Variants in MDN1 observed in about 807,000 individuals in gnomAD.
MDN1 encodes the protein midasin.
In MDN1, 266 loss-of-function variants were observed where a neutral mutation model predicts 669.2. That is an observed-to-expected ratio of 0.40 (90% CI 0.36 to 0.44). MDN1 has a LOEUF of 0.44. Among genes scored for constraint, MDN1 ranks in the 20% least tolerant of loss-of-function variants. MDN1 has a pLI of 1.00. For synonymous variants in MDN1, 2,385 were observed against 2,457.1 expected, an observed-to-expected ratio of 0.97 and a Z score of 0.87; for missense variants, 5,940 against 6,754.0, an observed-to-expected ratio of 0.88 and a Z score of 4.22.
chr6:89,771,539 A>C, intron 15 of MDN1, 22 bp downstream of exon 15: 5 of 1,599,652 alleles, frequency 3.1e-6, no homozygotes, highest in Non-Finnish European at 3.4e-6. Context: ...AAAATAAGAA[A>C]AAAATTTTAA....
intron 1 of MDN1, among the ~76,000 whole-genome samples, chr6:89,814,160 T>C (rs1470579344): frequency 6.6e-6 from 1 of 152,064 alleles, no homozygotes; most frequent in East Asian, 1.9e-4. Flanking sequence ...TCAAGTGCAT[T>C]CTAAAGTAAA....
chr6:89,757,142 T>C (rs1040001525), intron 19 of MDN1, among the ~76,000 whole-genome samples: 1 of 152,168 alleles, frequency 6.6e-6, no homozygotes. Context: ...CTAATAAAGT[T>C]ACTATTTTAA....
At position 89,750,411 on chromosome 6, in the gene MDN1, G is replaced by T; in HGVS notation, c.3349C>A (p.Gln1117Lys). Residue 1117 changes from glutamine to lysine, a missense_variant, in exon 24 of 102, where the codon CAG becomes AAG. Physicochemically the swap from Gln to Lys is moderately conservative, Grantham distance 53. This residue lies in a region of MDN1 where 2,292 missense variants were observed against 2,638.3 expected (regional missense o/e 0.87). Coordinates refer to ENST00000369393, the MANE Select transcript of MDN1 (RefSeq NM_014611.3). ...RINNHEHTDI[Q>K]EYIGCYTSDS... ...GACGTGTAACAACCAATGTACTCCT[G>T]AATATCCGTGTGTTCGTGATTATTA... is the stretch of plus-strand genomic sequence containing the variant. 6.2e-7 allele frequency: 1 copy of T among 1,614,030 alleles called. No individual in the cohort carries two copies. The highest frequency in any genetic ancestry group is 8.5e-7 in the Non-Finnish European group (1 of 1,179,902).
rs1317048559 is a variant in MDN1 at position 89,657,980 on chromosome 6, G to A, written c.15183+229C>T. ...CACGCTATGGTGTTCGCACAATGACGAAATTGCTGAATGAGGCATTTTTCA... is the reference window on the plus strand; with the variant it reads ...CACGCTATGGTGTTCGCACAATGACAAAATTGCTGAATGAGGCATTTTTCA... On this transcript the variant is annotated intron_variant, in intron 90 of 101. Transcript: ENST00000369393. Among the ~76,000 whole-genome samples, 6 of 152,308 alleles carry A rather than the reference G, an allele frequency of 3.9e-5. No homozygotes were observed. The East Asian group carries it at 5.8e-4, about 15-fold the overall frequency.
chr6:89,812,797 C>T (rs1182966187), intron 1 of MDN1, among the ~76,000 whole-genome samples: 1 of 152,124 alleles, frequency 6.6e-6, no homozygotes, highest in Non-Finnish European at 1.5e-5. Context: ...CTAAACTACT[C>T]TATAAAACCT....
chr6:89,804,812 A>G (rs1429082850), intron 1 of MDN1, among the ~76,000 whole-genome samples: 1 of 151,992 alleles, frequency 6.6e-6, no homozygotes, highest in Non-Finnish European at 1.5e-5. Flanking sequence ...CAGGCGGATC[A>G]CGAGGTCAGG....
intron 22 of MDN1, among the ~76,000 whole-genome samples, chr6:89,752,587 C>T (rs968395040): frequency 2.0e-5 from 3 of 152,054 alleles, no homozygotes; most frequent in Non-Finnish European, 4.4e-5. Flanking sequence ...AATTTCCTGC[C>T]AAATCCAAAA....
Position 89,688,061 on chromosome 6 carries a change from G to C in MDN1, c.11355+17C>G. 2 of 1,597,386 alleles carry C rather than the reference G, an allele frequency of 1.3e-6. No individual in the cohort carries two copies. Among genetic ancestry groups the C allele is most frequent in the Non-Finnish European group, 1.7e-6 (2 of 1,164,888 alleles). ...ACTGACCACCAACTAAAATGAGGAAGAGAGGTATTAGCTCACCTGTGCCTT... is the reference window on the plus strand; with the variant it reads ...ACTGACCACCAACTAAAATGAGGAACAGAGGTATTAGCTCACCTGTGCCTT... On this transcript the variant is annotated intron_variant, in intron 67 of 101. Transcript: ENST00000369393.
chr6:89,784,954 A>T, intron 9 of MDN1, 58 bp downstream of exon 9: 1 of 1,140,468 alleles, frequency 8.8e-7, no homozygotes, highest in Non-Finnish European at 1.3e-6. Context: ...ACTATTTCCT[A>T]TTTCACGCGG....
intron 40 of MDN1, 109 bp downstream of exon 40, chr6:89,722,846 C>T: frequency 2.9e-6 from 2 of 690,430 alleles, no homozygotes; most frequent in Non-Finnish European, 4.2e-6. Context: ...AACCCAGTCT[C>T]AAAAAAAAAA....
intron 99 of MDN1, 118 bp downstream of exon 99, chr6:89,647,914 T>C (rs571908090): frequency 3.4e-5 from 26 of 766,278 alleles, no homozygotes; most frequent in African/African-American, 1.2e-4. Flanking sequence ...GATGGCGCCA[T>C]TGTACTCTAG....
chr6:89,701,602 T>C lies in MDN1; in HGVS notation c.8383A>G (p.Ile2795Val), dbSNP rs570877177. 1.9e-6 allele frequency: 3 copies of C among 1,614,178 alleles called. No individual in the cohort carries two copies. The East Asian group carries it at 6.7e-5, about 36-fold the overall frequency. The change falls in exon 55 of 102, where the codon ATA (isoleucine) becomes GTA (valine). Residue 2795 changes from isoleucine (I) to valine (V), a missense_variant. Ile to Val is a conservative substitution (Grantham distance 29). Transcript: ENST00000369393. ...LGSQTGGFAG[I>V]KKLQKFLGRP... is the part of the protein sequence containing the mutation. ...CCCAGGAACTTCTGCAACTTCTTTATACCAGCGAAGCCACCAGTCTGGCTC... is the reference window on the plus strand; with the variant it reads ...CCCAGGAACTTCTGCAACTTCTTTACACCAGCGAAGCCACCAGTCTGGCTC...
intron 15 of MDN1, among the ~76,000 whole-genome samples, chr6:89,766,068 G>T (rs1051505679): frequency 6.6e-6 from 1 of 152,186 alleles, no homozygotes; most frequent in African/African-American, 2.4e-5. Context: ...GCTGAGGCAG[G>T]CGAATGCCTT....
chr6:89,659,668 A>C (rs942849751), intron 88 of MDN1, among the ~76,000 whole-genome samples: 3 of 152,218 alleles, frequency 2.0e-5, no homozygotes, highest in South Asian at 2.1e-4. Flanking sequence ...AACAAACAAA[A>C]AAACACAATA....
Position 89,644,106 on chromosome 6 carries a change from G to C in MDN1, c.16690C>G (p.Pro5564Ala). ...IRSYMEEFPF[P>A]YYIILRDVNA... ...ACATCTCGAAGAATGATATAGTATG[G>C]GAATGGGAACTCTTCCATGTAGGAT... The change falls in exon 102 of 102, where the codon CCA becomes GCA. Residue 5564 changes from proline (P) to alanine (A), a missense_variant. By Grantham distance (27) the Pro-to-Ala change is conservative. Transcript: ENST00000369393. The C allele has an allele frequency of 6.2e-7, 1 of 1,614,010 alleles. No homozygotes were observed. Among genetic ancestry groups the C allele is most frequent in the Non-Finnish European group, 8.5e-7 (1 of 1,179,982 alleles).
At chr6:89,725,697 C>T (rs901117276) in intron 37 of MDN1, among the ~76,000 whole-genome samples, 1 of 150,946 alleles carries the variant, frequency 6.6e-6, no homozygotes, top group African/African-American at 2.4e-5. Flanking sequence ...CAGCCTGCTG[C>T]ATAGCTGTGA....
intron 46 of MDN1, among the ~76,000 whole-genome samples, chr6:89,713,676 T>C (rs1341134050): frequency 6.6e-6 from 1 of 152,194 alleles, no homozygotes; most frequent in African/African-American, 2.4e-5. Flanking sequence ...CCAGCTGTTA[T>C]TATTAACTGA....
At chr6:89,700,337 G>C in intron 56 of MDN1, 43 bp from the exon 57 acceptor site, 1 of 1,473,770 alleles carries the variant, frequency 6.8e-7, no homozygotes. Context: ...CAATGGTTAA[G>C]AGTATAGCCT....
intron 2 of MDN1, among the ~76,000 whole-genome samples, chr6:89,800,175 C>T (rs941942333): frequency 3.5e-4 from 53 of 151,560 alleles, no homozygotes; most frequent in African/African-American, 1.2e-3. Flanking sequence ...CACCTGTAAT[C>T]CCAGGACTTT....
Sources: gnomAD v4.1 joint callset for allele counts (sites outside exome capture counted in the v4.1 genomes callset) on GRCh38, gnomAD v4.1.1 for gene constraint, gnomAD v4.1.1 regional missense constraint, MANE v1.5 for transcripts, NCBI Gene and HGNC (gene_info 2026-07-23, HGNC 2026-07-21) for gene names.